GATA4: variants seen among roughly 807,000 people sequenced by gnomAD.
The protein encoded by GATA4 is transcription factor GATA-4.
GATA4 carries 7 observed loss-of-function variants against 37.9 expected under a neutral mutation model. The observed-to-expected ratio is 0.18, with a 90% CI of 0.11 to 0.35. The LOEUF (loss-of-function observed/expected upper bound fraction) is 0.35. Among genes scored for constraint, GATA4 ranks in the 10% least tolerant of loss-of-function variants. GATA4 has a pLI of 1.00. For synonymous variants in GATA4, 372 were observed against 292.6 expected, an observed-to-expected ratio of 1.27 and a Z score of -2.77; for missense variants, 647 against 653.0, an observed-to-expected ratio of 0.99 and a Z score of 0.10.
chr8:11,731,106 G>T (rs976584384), intron 2 of GATA4, among the ~76,000 whole-genome samples: 2 of 152,220 alleles, frequency 1.3e-5, no homozygotes, highest in Non-Finnish European at 2.9e-5. Context: ...GTCAGCAAGA[G>T]AATAATATTG....
chr8:11,730,879 C>T (rs1222937402), intron 2 of GATA4, among the ~76,000 whole-genome samples: 1 of 152,222 alleles, frequency 6.6e-6, no homozygotes, highest in Non-Finnish European at 1.5e-5. Flanking sequence ...CCGGCCAGTG[C>T]CCTCTCTGTT....
Position 11,758,871 on chromosome 8 carries a change from G to A in GATA4, c.*396G>A, listed in dbSNP as rs1358456391. On this transcript the variant is annotated 3_prime_UTR_variant, in exon 7 of 7. Coordinates refer to ENST00000532059, the MANE Select transcript of GATA4 (RefSeq NM_001308093.3). The stretch of plus-strand genomic sequence containing the variant: ...CTGGGACCCCTGCTCCAGCCCGAAT[G>A]ACGGCATCTGTTTGCCATGTACCTG... The A allele has an allele frequency of 1.2e-5, 4 of 327,368 alleles. No individual in the cohort carries two copies. Among genetic ancestry groups the A allele is most frequent in the South Asian group, 5.4e-5 (2 of 37,074 alleles). 20.3% of individuals were successfully genotyped at this position (327,368 alleles called of 1,614,324 possible).
At chr8:11,683,066 C>T (rs960006200) in intron 1 of GATA4, 19 of 985,190 alleles carry the variant, frequency 1.9e-5, no homozygotes, top group African/African-American at 1.9e-4. Context: ...GTGTCTCTTA[C>T]CCCCTAGGTT....
chr8:11,708,527 G>A lies in GATA4; in HGVS notation c.215G>A (p.Gly72Asp). 1 of 1,453,256 alleles carries A rather than the reference G, an allele frequency of 6.9e-7. No individual in the cohort carries two copies. The highest frequency in any genetic ancestry group is 2.9e-5 in the East Asian group (1 of 34,606). The allele number at this position is 1,453,256 out of a possible 1,614,324, so 90.0% of individuals were successfully genotyped here. ...GGAGGCGCCTCGGGCGGCAGCTCCG[G>A]TGGGGCCGCGTCTGGTGCGGGGCCC... The part of the protein sequence containing the change: ...ASGGASGGSS[G>D]GAASGAGPGT... The change falls in exon 2 of 7, where the codon GGT becomes GAT. Residue 72 changes from glycine (G) to aspartate (D), a missense_variant. This residue lies in a region of GATA4 where 379 missense variants were observed against 334.5 expected (regional missense o/e 1.13). Transcript: ENST00000532059. The surrounding 1 kb of genome is among the most constrained non-coding windows in gnomAD (Gnocchi z 6.7).
At chr8:11,721,396 G>C (rs933501756) in intron 2 of GATA4, among the ~76,000 whole-genome samples, 1 of 150,258 alleles carries the variant, frequency 6.7e-6, no homozygotes, top group African/African-American at 2.5e-5. Context: ...ATGCTGGAAA[G>C]GTGAGCAGGA....
At chr8:11,736,900 G>T (rs572229440) in intron 2 of GATA4, among the ~76,000 whole-genome samples, 1 of 152,302 alleles carries the variant, frequency 6.6e-6, no homozygotes, top group African/African-American at 2.4e-5. Flanking sequence ...AATGTGTGCT[G>T]CCCAGGTCCA....
intron 2 of GATA4, among the ~76,000 whole-genome samples, chr8:11,743,161 C>T (rs1490620065): frequency 6.6e-6 from 1 of 152,248 alleles, no homozygotes; most frequent in Non-Finnish European, 1.5e-5. Flanking sequence ...CACTGTGAGG[C>T]CCAGGCCCAC....
At chr8:11,723,434 G>C (rs745436508) in intron 2 of GATA4, among the ~76,000 whole-genome samples, 2 of 151,964 alleles carry the variant, frequency 1.3e-5, no homozygotes, top group Non-Finnish European at 2.9e-5. Flanking sequence ...TCCTATCTTT[G>C]CTAGAGGGAA....
intron 1 of GATA4, among the ~76,000 whole-genome samples, chr8:11,682,518 C>A (rs1004671443): frequency 5.3e-5 from 8 of 152,152 alleles, no homozygotes; most frequent in African/African-American, 9.7e-5. Flanking sequence ...ATAGTAGATG[C>A]TTTTCATTTC....
At chr8:11,740,982 C>T (rs923518827) in intron 2 of GATA4, among the ~76,000 whole-genome samples, 2 of 152,088 alleles carry the variant, frequency 1.3e-5, no homozygotes, top group South Asian at 2.1e-4. Flanking sequence ...GTTCCATCCG[C>T]TTCGGCCTCC....
At chr8:11,755,183 G>C in intron 5 of GATA4, 50 bp downstream of exon 5, 1 of 1,486,694 alleles carries the variant, frequency 6.7e-7, no homozygotes, top group South Asian at 1.1e-5. Context: ...GGAGCCCTCA[G>C]AGTGCCTAAG....
chr8:11,704,334 C>T (rs1284394264), intron 1 of GATA4, 30 bp downstream of exon 1: 1 of 152,304 alleles, frequency 6.6e-6, no homozygotes, highest in African/African-American at 2.4e-5. Context: ...TTTCTTTGCT[C>T]CTTCCCGCGG....
chr8:11,699,909 A>T (rs1301255306), upstream of GATA4, among the ~76,000 whole-genome samples: 1 of 152,246 alleles, frequency 6.6e-6, no homozygotes, highest in Non-Finnish European at 1.5e-5. Flanking sequence ...ACAATTTTTA[A>T]AAGACAGTTT....
chr8:11,751,562 A>C (rs17153740), intron 4 of GATA4, among the ~76,000 whole-genome samples: 1 of 152,156 alleles, frequency 6.6e-6, no homozygotes, highest in East Asian at 1.9e-4. Flanking sequence ...ATACAAGTTA[A>C]ATTAAAACCA....
intron 2 of GATA4, among the ~76,000 whole-genome samples, chr8:11,738,197 A>AAAC (rs1290477350): frequency 6.6e-6 from 1 of 151,690 alleles, no homozygotes; most frequent in African/African-American, 2.4e-5. Flanking sequence ...AAAAAAAAAA[A>AAAC]ATCACTATCA....
chr8:11,724,275 A>G (rs1392625230), intron 2 of GATA4, among the ~76,000 whole-genome samples: 1 of 152,162 alleles, frequency 6.6e-6, no homozygotes, highest in Non-Finnish European at 1.5e-5. Flanking sequence ...CCATTTTTAC[A>G]TGGGTGAACA....
rs1800044750 is a variant in GATA4, at chr8:11,709,091, C to CCCAGAA, written c.616+163_616+164insCCAGAA. Among the ~76,000 whole-genome samples, 1 of 152,146 alleles carries CCCAGAA rather than the reference C, an allele frequency of 6.6e-6. No individual in the cohort carries two copies. The highest frequency in any genetic ancestry group is 1.9e-4 in the East Asian group (1 of 5,168). ...AAGGCAGAAGCCAGTGCGGGGCTGGCGACATCACAGCCCCAGAAGACCGGC... is the reference window on the plus strand; with the variant it reads ...AAGGCAGAAGCCAGTGCGGGGCTGGCCCAGAAGACATCACAGCCCCAGAAGACCGGC... On this transcript the variant is annotated intron_variant, in intron 2 of 6. Transcript: ENST00000532059. This position sits in a 1 kb window ranked among gnomAD's most constrained non-coding sequence, Gnocchi z 4.3.
intron 2 of GATA4, among the ~76,000 whole-genome samples, chr8:11,743,842 C>G (rs897921226): frequency 6.6e-6 from 1 of 152,184 alleles, no homozygotes; most frequent in Non-Finnish European, 1.5e-5. Context: ...CCATACTGCA[C>G]CGGCTCGCTG....
intron 2 of GATA4, among the ~76,000 whole-genome samples, chr8:11,717,532 C>T (rs183901772): frequency 2.0e-5 from 3 of 152,342 alleles, no homozygotes; most frequent in Admixed American, 2.0e-4. Flanking sequence ...GTTTGGAACC[C>T]AGGTAAGTCC....
Sources: allele counts gnomAD v4.1 joint callset (sites outside exome capture counted in the v4.1 genomes callset), GRCh38; gene constraint gnomAD v4.1.1; regional missense constraint gnomAD v4.1.1; non-coding constraint Gnocchi (gnomAD v3.1); transcripts MANE v1.5; gene names NCBI Gene and HGNC (gene_info 2026-07-23, HGNC 2026-07-21).